The following PUS7 variants were observed in gnomAD, a reference collection of about 807,000 sequenced individuals.
The protein encoded by PUS7 is pseudouridylate synthase 7 homolog.
In PUS7, 48 loss-of-function variants were observed where a neutral mutation model predicts 79.8. The ratio of observed to expected loss-of-function variants is 0.60; its 90% CI spans 0.48 to 0.76. The LOEUF (loss-of-function observed/expected upper bound fraction) is 0.76. Among genes scored for constraint, PUS7 ranks in the 30% least tolerant of loss-of-function variants. The probability of loss-of-function intolerance (pLI) is 0.00; values close to 1 mark genes in which losing one functional copy is unlikely to be tolerated. For synonymous variants in PUS7, 286 were observed against 272.2 expected (o/e 1.05, Z -0.50); for missense variants, 729 against 797.6 (o/e 0.91, Z 1.04).
chr7:105,494,023 A>G (rs927616963), intron 6 of PUS7, among the ~76,000 whole-genome samples: 4 of 152,168 alleles, frequency 2.6e-5, no homozygotes, highest in Admixed American at 2.6e-4. Context: ...TTTTAAGAAA[A>G]GCTTTGGCAC....
chr7:105,502,328 T>C (rs1400387331), intron 5 of PUS7, 92 bp downstream of exon 5: 1 of 1,461,250 alleles, frequency 6.8e-7, no homozygotes, highest in Non-Finnish European at 9.4e-7. Flanking sequence ...AGCACTATAG[T>C]AGCCCTTGAA....
chr7:105,463,864 G>A (rs918585990), intron 13 of PUS7, among the ~76,000 whole-genome samples: 4 of 152,122 alleles, frequency 2.6e-5, no homozygotes, highest in Admixed American at 2.6e-4. Flanking sequence ...TCTTAAATAT[G>A]TATTTTTCAT....
At chr7:105,464,247 G>A (rs1290254043) in intron 13 of PUS7, among the ~76,000 whole-genome samples, 2 of 10,178 alleles carry the variant, frequency 2.0e-4, no homozygotes, top group Middle Eastern at 0.083. Context: ...CAACTTGACT[G>A]GGGTAAGGGA....
chr7:105,467,807 T>G (rs1823719268), intron 12 of PUS7, among the ~76,000 whole-genome samples: 1 of 151,920 alleles, frequency 6.6e-6, no homozygotes, highest in Non-Finnish European at 1.5e-5. Flanking sequence ...GGCAGGCGGA[T>G]CACCCGAGGT....
chr7:105,485,424 G>C (rs1032550990), intron 7 of PUS7, among the ~76,000 whole-genome samples: 3 of 152,188 alleles, frequency 2.0e-5, no homozygotes, highest in African/African-American at 7.2e-5. Flanking sequence ...GGTCATGGCT[G>C]GTCTTGAACT....
At chr7:105,515,956 C>T (rs1039772199) in intron 1 of PUS7, among the ~76,000 whole-genome samples, 3 of 151,912 alleles carry the variant, frequency 2.0e-5, no homozygotes, top group Non-Finnish European at 2.9e-5. Context: ...ATTACAGGCG[C>T]GTGCCACCAA....
chr7:105,486,159 C>T (rs1027033366), intron 7 of PUS7, among the ~76,000 whole-genome samples: 1 of 151,808 alleles, frequency 6.6e-6, no homozygotes, highest in African/African-American at 2.4e-5. Context: ...TCAAGCAATT[C>T]TTCTGCCCCC....
intron 5 of PUS7, among the ~76,000 whole-genome samples, chr7:105,495,932 G>A (rs1824994290): frequency 6.6e-6 from 1 of 151,892 alleles, no homozygotes; most frequent in Admixed American, 6.6e-5. Context: ...GGCTGAGATG[G>A]GCGGATCACC....
intron 7 of PUS7, among the ~76,000 whole-genome samples, chr7:105,485,195 C>T (rs1286014544): frequency 1.3e-5 from 2 of 151,206 alleles, no homozygotes; most frequent in African/African-American, 4.9e-5. Context: ...AAGTAGAGTA[C>T]TGTTTTTTGT....
chr7:105,462,369 T>C, intron 14 of PUS7: 1 of 364,334 alleles, frequency 2.7e-6, no homozygotes, highest in Non-Finnish European at 4.9e-6. Flanking sequence ...GAGGCAGAAG[T>C]TGCAGTGAGC....
chr7:105,462,817 TA>T (rs1563351872), intron 13 of PUS7, 67 bp from the exon 14 acceptor site: 1 of 1,440,420 alleles, frequency 6.9e-7, no homozygotes, highest in South Asian at 1.2e-5. Flanking sequence ...AACTAGATTA[TA>T]AAGAGAGTAA....
At chr7:105,482,127 G>A (rs1442150854) in intron 8 of PUS7, among the ~76,000 whole-genome samples, 185 bp downstream of exon 8, 1 of 152,198 alleles carries the variant, frequency 6.6e-6, no homozygotes, top group Non-Finnish European at 1.5e-5. Context: ...AAATCCTACA[G>A]AGGTATTTGC....
intron 6 of PUS7, among the ~76,000 whole-genome samples, chr7:105,493,019 C>A (rs2133183281): frequency 6.6e-6 from 1 of 152,232 alleles, no homozygotes; most frequent in East Asian, 1.9e-4. Context: ...CTTGGCTAGC[C>A]AGCAACAAAA....
chr7:105,500,548 C>T (rs1225283752), intron 5 of PUS7, among the ~76,000 whole-genome samples: 2 of 152,172 alleles, frequency 1.3e-5, no homozygotes, highest in Non-Finnish European at 2.9e-5. Flanking sequence ...CATGACCACA[C>T]CAAGCAGAGT....
At position 105,457,656 on chromosome 7, in the gene PUS7, A is replaced by G. The variant is rs1457322053; in HGVS notation, c.*134T>C. ...GCAAATTATTTCTTTAAGCTAATAA[A>G]AACTTAAAAATACAAATAATTTTTA... On this transcript the variant is annotated 3_prime_UTR_variant, in exon 16 of 16. Coordinates refer to ENST00000469408, the MANE Select transcript of PUS7 (RefSeq NM_019042.5). 3.3e-6 allele frequency: 3 copies of G among 904,090 alleles called. No homozygotes were observed. The highest frequency in any genetic ancestry group is 4.7e-6 in the Non-Finnish European group (3 of 632,558). The allele number at this position is 904,090 out of a possible 1,614,324, so 56.0% of individuals were successfully genotyped here. A position where few individuals can be genotyped will look rare whatever the true frequency, so the allele number is the denominator to read the frequency against.
chr7:105,482,860 T>C (rs1383131635), intron 7 of PUS7, among the ~76,000 whole-genome samples: 1 of 152,136 alleles, frequency 6.6e-6, no homozygotes. Flanking sequence ...AAAAATTTTG[T>C]AAACTCATTA....
intron 15 of PUS7, among the ~76,000 whole-genome samples, chr7:105,458,634 G>C (rs1055740682): frequency 1.3e-5 from 2 of 148,428 alleles, no homozygotes; most frequent in Admixed American, 1.4e-4. Flanking sequence ...GTGCAGTGGC[G>C]TGATCTTGGC....
At chr7:105,491,011 C>T (rs772259966) in intron 7 of PUS7, among the ~76,000 whole-genome samples, 59 of 152,178 alleles carry the variant, frequency 3.9e-4, no homozygotes, top group Non-Finnish European at 7.8e-4. Context: ...GGTTGAGAAG[C>T]CTTGAACTAA....
At chr7:105,509,814 T>C (rs565512640) in intron 1 of PUS7, among the ~76,000 whole-genome samples, 39 of 152,146 alleles carry the variant, frequency 2.6e-4, no homozygotes, top group African/African-American at 8.2e-4. Flanking sequence ...TTAACAGCAA[T>C]GAAACTTGGG....
Sources: gnomAD v4.1 joint callset for allele counts (sites outside exome capture counted in the v4.1 genomes callset) on GRCh38, gnomAD v4.1.1 for gene constraint, MANE v1.5 for transcripts, NCBI Gene and HGNC (gene_info 2026-07-23, HGNC 2026-07-21) for gene names.